Variants in PHF21B observed in about 807,000 individuals in gnomAD.
PHF21B encodes PHD finger protein 4.
In PHF21B, 22 loss-of-function variants were observed where a neutral mutation model predicts 62.2. The observed-to-expected ratio is 0.35, with a 90% confidence interval of 0.25 to 0.51. The LOEUF (loss-of-function observed/expected upper bound fraction) is 0.51, where lower values mean the gene tolerates loss of function less well. PHF21B is among the 20% of genes least tolerant of loss of function. The pLI, the probability that PHF21B is intolerant of heterozygous loss-of-function variation, is 0.97. For synonymous variants in PHF21B, 341 were observed against 314.7 expected (o/e 1.08, Z -0.88); for missense variants, 701 against 707.9 (o/e 0.99, Z 0.11).
rs747358382 is a variant in PHF21B, at chr22:44,891,436, G to C, written c.961-76C>G. 6 of 1,542,712 alleles carry C rather than the reference G, an allele frequency of 3.9e-6. No homozygotes were observed. In the Admixed American group the frequency reaches 1.1e-4, roughly 29 times the overall value. ...TCGATGGTGACGTCACCCCAGGTCA[G>C]GACTCTCTCTGGGACAGGGTTCCCA... On this transcript the variant is annotated intron_variant, in intron 7 of 12. Coordinates refer to ENST00000313237, the MANE Select transcript of PHF21B (RefSeq NM_138415.5).
intron 2 of PHF21B, among the ~76,000 whole-genome samples, chr22:44,981,374 C>T (rs2072839087): frequency 6.6e-6 from 1 of 152,220 alleles, no homozygotes; most frequent in Admixed American, 6.5e-5. Flanking sequence ...CCTCTGCACT[C>T]CCCGCCTCAC....
At chr22:44,915,865 G>C (rs1420272832) in intron 4 of PHF21B, among the ~76,000 whole-genome samples, 1 of 152,104 alleles carries the variant, frequency 6.6e-6, no homozygotes, top group Non-Finnish European at 1.5e-5. Context: ...TGGGCAGTGG[G>C]GTAAAAACAG....
chr22:44,921,359 CTTT>C (rs11309607), intron 2 of PHF21B, among the ~76,000 whole-genome samples: 6 of 147,030 alleles, frequency 4.1e-5, no homozygotes, highest in Middle Eastern at 3.5e-3. Context: ...CGGAACAGTT[CTTT>C]TTTTTTTTCT....
At chr22:44,914,826 G>T (rs1439255042) in intron 4 of PHF21B, among the ~76,000 whole-genome samples, 1 of 152,170 alleles carries the variant, frequency 6.6e-6, no homozygotes, top group Non-Finnish European at 1.5e-5. Flanking sequence ...AAGTCAGCCT[G>T]AAATCCACCC....
intron 10 of PHF21B, 123 bp from the exon 11 acceptor site, chr22:44,886,061 G>T: frequency 1.2e-6 from 1 of 827,100 alleles, no homozygotes; most frequent in South Asian, 1.7e-5. Context: ...CCTCACCCGT[G>T]ACCAGGAGCT....
intron 2 of PHF21B, among the ~76,000 whole-genome samples, chr22:44,984,212 T>C (rs201895989): frequency 7.6e-4 from 14 of 18,366 alleles, no homozygotes; most frequent in African/African-American, 9.4e-4. Flanking sequence ...ACCACCATCA[T>C]CACCACCACC....
chr22:44,971,901 C>T (rs1488105275), intron 2 of PHF21B, among the ~76,000 whole-genome samples: 1 of 152,256 alleles, frequency 6.6e-6, no homozygotes, highest in Non-Finnish European at 1.5e-5. Flanking sequence ...AGGCATGAAG[C>T]AGGCGCCCCA....
chr22:44,988,964 A>C (rs761874028), intron 2 of PHF21B, among the ~76,000 whole-genome samples: 1 of 152,186 alleles, frequency 6.6e-6, no homozygotes, highest in Non-Finnish European at 1.5e-5. Context: ...AGACACCCTC[A>C]GCCTCTTTTA....
rs925731905 is a variant in PHF21B, at chr22:44,882,072, A to G, written c.*1014T>C. On this transcript the variant is annotated 3_prime_UTR_variant, in exon 13 of 13. Transcript: ENST00000313237. ...AGCCAGAGTCCCCCCAACCATTCACATTAAATATCTCACAATAAAAACGCC... is the reference window on the plus strand; with the variant it reads ...AGCCAGAGTCCCCCCAACCATTCACGTTAAATATCTCACAATAAAAACGCC... 7.9e-5 allele frequency: 12 copies of G among 152,800 alleles called. No homozygotes were observed. The highest frequency in any genetic ancestry group is 2.7e-4 in the African/African-American group (11 of 41,458). The allele number at this position is 152,800 out of a possible 1,614,324, so 9.5% of individuals were successfully genotyped here. A position where few individuals can be genotyped will look rare whatever the true frequency, so the allele number is the denominator to read the frequency against.
At chr22:44,986,670 GC>G (rs1231013950) in intron 2 of PHF21B, among the ~76,000 whole-genome samples, 3 of 152,032 alleles carry the variant, frequency 2.0e-5, no homozygotes, top group Non-Finnish European at 4.4e-5. Flanking sequence ...GATAATAAAA[GC>G]CCCCATCTGT....
chr22:44,939,480 A>G (rs141479965), intron 2 of PHF21B, among the ~76,000 whole-genome samples: 1 of 152,252 alleles, frequency 6.6e-6, no homozygotes, highest in Non-Finnish European at 1.5e-5. Flanking sequence ...CTCCCACTGG[A>G]CCTCCCACGA....
chr22:44,959,130 T>C (rs2072365602), intron 2 of PHF21B, among the ~76,000 whole-genome samples: 1 of 152,180 alleles, frequency 6.6e-6, no homozygotes, highest in South Asian at 2.1e-4. Flanking sequence ...CGGTTTCTGT[T>C]TTGGTCTCTT....
At chr22:44,956,444 C>A (rs1053415363) in intron 2 of PHF21B, among the ~76,000 whole-genome samples, 1 of 152,200 alleles carries the variant, frequency 6.6e-6, no homozygotes, top group African/African-American at 2.4e-5. Flanking sequence ...CCCATTAGGG[C>A]CCCAGCAAGA....
intron 2 of PHF21B, among the ~76,000 whole-genome samples, chr22:44,936,721 A>T (rs568655799): frequency 6.6e-6 from 1 of 152,178 alleles, no homozygotes; most frequent in East Asian, 1.9e-4. Context: ...CCCCAGGTTA[A>T]TTTCACTTGT....
intron 2 of PHF21B, chr22:44,969,068 G>A (rs1034544613): frequency 2.6e-5 from 4 of 152,250 alleles, no homozygotes; most frequent in Non-Finnish European, 4.4e-5. Context: ...CACTTCCTGT[G>A]GCCAGAGTCT....
intron 2 of PHF21B, among the ~76,000 whole-genome samples, chr22:44,933,732 GAGAGAC>G (rs1278501656): frequency 1.1e-4 from 13 of 122,628 alleles, no homozygotes; most frequent in Admixed American, 2.7e-4. Context: ...GAGAGAGAGA[GAGAGAC>G]AGACAGACAG....
intron 2 of PHF21B, among the ~76,000 whole-genome samples, chr22:44,990,600 G>C (rs867705538): frequency 6.6e-6 from 1 of 152,262 alleles, no homozygotes; most frequent in Non-Finnish European, 1.5e-5. Flanking sequence ...ATTGCGCGAA[G>C]TGAAAAAAGC....
At chr22:44,963,589 T>C (rs1353353556) in intron 2 of PHF21B, among the ~76,000 whole-genome samples, 1 of 152,200 alleles carries the variant, frequency 6.6e-6, no homozygotes, top group Non-Finnish European at 1.5e-5. Context: ...GATAAGAAGA[T>C]GCTTTGTAAA....
At chr22:44,979,578 C>T (rs1410112229) in intron 2 of PHF21B, among the ~76,000 whole-genome samples, 3 of 152,208 alleles carry the variant, frequency 2.0e-5, no homozygotes, top group Non-Finnish European at 2.9e-5. Flanking sequence ...CTGTGACGTG[C>T]CCAGCGCCGT....
Sources: gnomAD v4.1 joint callset for allele counts (sites outside exome capture counted in the v4.1 genomes callset) on GRCh38, gnomAD v4.1.1 for gene constraint, MANE v1.5 for transcripts, NCBI Gene and HGNC (gene_info 2026-07-23, HGNC 2026-07-21) for gene names.